Variants in VNN1 observed in about 807,000 individuals in gnomAD.
VNN1 encodes vanin 1, also known as pantetheinase.
VNN1 carries 29 observed loss-of-function variants against 41.9 expected under a neutral mutation model. That is an observed-to-expected ratio of 0.69 (90% CI 0.52 to 0.94). The LOEUF (loss-of-function observed/expected upper bound fraction) is 0.94. VNN1 is among the 40% of genes least tolerant of loss of function. VNN1 has a pLI of 0.00. For missense variants in VNN1, 637 were observed against 621.1 expected, an observed-to-expected ratio of 1.03 and a Z score of -0.27; for synonymous variants, 233 against 224.4, an observed-to-expected ratio of 1.04 and a Z score of -0.34.
chr6:132,686,861 AAAC>A (rs1778216517), intron 5 of VNN1, among the ~76,000 whole-genome samples: 1 of 152,182 alleles, frequency 6.6e-6, no homozygotes. Context: ...TACATGCACA[AAAC>A]AACAATAAGT....
chr6:132,694,444 G>C (rs1483852752), intron 2 of VNN1, among the ~76,000 whole-genome samples: 1 of 152,182 alleles, frequency 6.6e-6, no homozygotes, highest in Non-Finnish European at 1.5e-5. Context: ...GTAATCTATA[G>C]TCATATTTTC....
chr6:132,700,362 C>A (rs987985524), intron 2 of VNN1, among the ~76,000 whole-genome samples: 8 of 152,118 alleles, frequency 5.3e-5, no homozygotes, highest in South Asian at 2.1e-4. Context: ...GAGCTCTGCC[C>A]CTCAGATGCT....
At chr6:132,686,274 C>T (rs1224185513) in intron 5 of VNN1, among the ~76,000 whole-genome samples, 3 of 152,024 alleles carry the variant, frequency 2.0e-5, no homozygotes, top group African/African-American at 7.3e-5. Context: ...TGGGGAAACC[C>T]CATCTGTACC....
intron 2 of VNN1, among the ~76,000 whole-genome samples, chr6:132,703,821 T>C (rs1778481451): frequency 6.6e-6 from 1 of 152,130 alleles, no homozygotes; most frequent in Admixed American, 6.6e-5. Context: ...AGAAACACAC[T>C]TCACTTATAA....
intron 2 of VNN1, among the ~76,000 whole-genome samples, chr6:132,707,787 G>A (rs1381456482): frequency 1.3e-5 from 2 of 152,168 alleles, no homozygotes; most frequent in African/African-American, 4.8e-5. Context: ...GGTAGTTAGG[G>A]GAGGAGTGGG....
chr6:132,688,806 C>T (rs1405892816), intron 5 of VNN1, among the ~76,000 whole-genome samples: 1 of 152,042 alleles, frequency 6.6e-6, no homozygotes, highest in Non-Finnish European at 1.5e-5. Flanking sequence ...AGTTGTTGGA[C>T]ATTTTGTACC....
In VNN1 at chr6:132,709,486, C is replaced by A. The variant is rs924909426; in HGVS notation, c.341+2223G>T. Among the ~76,000 whole-genome samples, 32 of 152,094 alleles carry A rather than the reference C, an allele frequency of 2.1e-4. 1 individual carries two copies. On this transcript the variant is annotated intron_variant, in intron 2 of 6. Transcript: ENST00000367928. Reference sequence around the variant, plus strand: ...AGGAGTTCAAGACCAGCCTGGCCAACATGGTGAAACCCATCTCTACTGAAA... The same window carrying A: ...AGGAGTTCAAGACCAGCCTGGCCAAAATGGTGAAACCCATCTCTACTGAAA...
At chr6:132,705,172 C>A (rs180903337) in intron 2 of VNN1, among the ~76,000 whole-genome samples, 10 of 151,056 alleles carry the variant, frequency 6.6e-5, no homozygotes, top group Admixed American at 4.6e-4. Context: ...CAAACTCATT[C>A]AATGAGGCTA....
At chr6:132,711,919 G>A in intron 1 of VNN1, 80 bp from the exon 2 acceptor site, 1 of 1,492,370 alleles carries the variant, frequency 6.7e-7, no homozygotes, top group South Asian at 1.3e-5. Context: ...CAACTATTTG[G>A]GCTTCCCCCA....
intron 1 of VNN1, among the ~76,000 whole-genome samples, chr6:132,712,262 G>A (rs143995261): frequency 5.1e-4 from 77 of 150,900 alleles, no homozygotes; most frequent in African/African-American, 1.6e-3. Context: ...CGATTCTCCC[G>A]CCTCAGCCTC....
At chr6:132,709,371 A>G (rs1778564060) in intron 2 of VNN1, among the ~76,000 whole-genome samples, 1 of 152,176 alleles carries the variant, frequency 6.6e-6, no homozygotes. Context: ...AAAAATTTGC[A>G]GAGTTAATAA....
Position 132,694,095 on chromosome 6 carries a change from C to T in VNN1, c.429G>A (p.Lys143=), listed in dbSNP as rs45482400. 3.8e-5 allele frequency: 61 copies of T among 1,614,174 alleles called. No individual in the cohort carries two copies. In the East Asian group the frequency reaches 1.1e-3, roughly 29 times the overall value. Residue 143 remains lysine (K), a synonymous_variant, in exon 3 of 7, where the codon AAG becomes AAA. Coordinates refer to ENST00000367928, the MANE Select transcript of VNN1 (RefSeq NM_004666.3). ...ACTGAGGATCACTGGTATCGCATGGCTTCTTGTCCCCAATATTTGCCACAA... is the reference window on the plus strand; with the variant it reads ...ACTGAGGATCACTGGTATCGCATGGTTTCTTGTCCCCAATATTTGCCACAA... ...IYVVANIGDK[K]PCDTSDPQCP... is the part of the protein sequence containing the mutation.
At chr6:132,709,722 T>C (rs533450428) in intron 2 of VNN1, among the ~76,000 whole-genome samples, 10 of 152,030 alleles carry the variant, frequency 6.6e-5, no homozygotes, top group South Asian at 2.1e-4. Flanking sequence ...CAGACATCAT[T>C]AGTTGATGGA....
At chr6:132,706,802 C>T (rs374740700) in intron 2 of VNN1, among the ~76,000 whole-genome samples, 6 of 151,100 alleles carry the variant, frequency 4.0e-5, no homozygotes, top group African/African-American at 1.5e-4. Flanking sequence ...GTCCAAACAA[C>T]TCTATAGGAA....
intron 2 of VNN1, among the ~76,000 whole-genome samples, chr6:132,694,981 C>A (rs9389026): frequency 1.1e-4 from 17 of 151,944 alleles, no homozygotes; most frequent in African/African-American, 3.9e-4. Context: ...GAAGAAACCC[C>A]GTCTCTACTA....
rs764182969 is a variant in VNN1, at chr6:132,694,203, G to GA, written c.342-22dup. 4 of 1,540,158 alleles carry GA rather than the reference G, an allele frequency of 2.6e-6. No homozygotes were observed. The South Asian group carries it at 5.0e-5, about 19-fold the overall frequency. ...CAAATCTGATACATGTTTATTGGAG[G>GA]AAAAAAATCTTTGTAAATCAATCTT... On this transcript the variant is annotated intron_variant, in intron 2 of 6. Transcript: ENST00000367928.
chr6:132,692,864 G>A (rs1778312403), intron 4 of VNN1, among the ~76,000 whole-genome samples, 160 bp downstream of exon 4: 8 of 152,040 alleles, frequency 5.3e-5, no homozygotes, highest in Admixed American at 3.9e-4. Context: ...AAACAATTTA[G>A]ACTGAGATTG....
chr6:132,707,373 G>A (rs752396293), intron 2 of VNN1, among the ~76,000 whole-genome samples: 3 of 152,122 alleles, frequency 2.0e-5, no homozygotes, highest in African/African-American at 7.2e-5. Flanking sequence ...TCACTGTAGA[G>A]AACAGTTTGA....
At chr6:132,706,606 C>T (rs1778522624) in intron 2 of VNN1, among the ~76,000 whole-genome samples, 1 of 152,160 alleles carries the variant, frequency 6.6e-6, no homozygotes, top group Non-Finnish European at 1.5e-5. Flanking sequence ...ACAAAGATTT[C>T]TTGAGTAATA....
Sources: allele counts gnomAD v4.1 joint callset (sites outside exome capture counted in the v4.1 genomes callset), GRCh38; gene constraint gnomAD v4.1.1; transcripts MANE v1.5; gene names NCBI Gene and HGNC (gene_info 2026-07-23, HGNC 2026-07-21).